The following PCDH15 variants were observed in gnomAD, a reference collection of about 807,000 sequenced individuals.
PCDH15 encodes the protein protocadherin related 15.
Under a neutral mutation model 178.5 loss-of-function variants are expected in PCDH15, and 129 were observed. The observed-to-expected ratio is 0.72, with a 90% CI of 0.63 to 0.84. PCDH15 has a LOEUF of 0.84. PCDH15 is among the 40% of genes least tolerant of loss of function. The pLI, the probability that PCDH15 is intolerant of heterozygous loss-of-function variation, is 0.00. For missense variants in PCDH15, 2,230 were observed against 2,099.9 expected (o/e 1.06, Z -1.21); for synonymous variants, 800 against 732.0 (o/e 1.09, Z -1.50).
At chr10:54,385,684 A>C (rs1027873996) in intron 3 of PCDH15, among the ~76,000 whole-genome samples, 1 of 152,212 alleles carries the variant, frequency 6.6e-6, no homozygotes, top group Non-Finnish European at 1.5e-5. Context: ...GTACTCTCTA[A>C]CTGCAAATGA....
chr10:55,071,861 A>G (rs1243433921), intron 2 of PCDH15, among the ~76,000 whole-genome samples: 2 of 152,188 alleles, frequency 1.3e-5, no homozygotes, highest in African/African-American at 4.8e-5. Context: ...AGCTCTCCTC[A>G]GCCAATGTGA....
chr10:54,225,741 A>G (rs1034634832), intron 9 of PCDH15, among the ~76,000 whole-genome samples: 1 of 150,846 alleles, frequency 6.6e-6, no homozygotes, highest in Non-Finnish European at 1.5e-5. Flanking sequence ...TGAAATGCAC[A>G]GATCTTAAGC....
chr10:55,238,360 C>A (rs1470752051), intron 1 of PCDH15, among the ~76,000 whole-genome samples: 2 of 151,836 alleles, frequency 1.3e-5, no homozygotes, highest in Middle Eastern at 3.2e-3. Context: ...CCATGTTAGC[C>A]AGGATGGTCT....
chr10:54,113,184 T>TATAAAA (rs902263142), intron 15 of PCDH15, among the ~76,000 whole-genome samples: 1 of 152,182 alleles, frequency 6.6e-6, no homozygotes, highest in African/African-American at 2.4e-5. Flanking sequence ...TTCAAATATG[T>TATAAAA]ATAACAATAA....
chr10:54,544,415 AGTTT>A (rs1474389797), intron 2 of PCDH15, among the ~76,000 whole-genome samples: 1 of 152,096 alleles, frequency 6.6e-6, no homozygotes, highest in Non-Finnish European at 1.5e-5. Flanking sequence ...AGTTTTTGAT[AGTTT>A]GTTATCCACA....
At chr10:54,876,136 C>G (rs1954138840) in intron 3 of PCDH15, among the ~76,000 whole-genome samples, 1 of 152,136 alleles carries the variant, frequency 6.6e-6, no homozygotes, top group Admixed American at 6.6e-5. Context: ...GTTAAATCTA[C>G]TCTGCCTGTG....
intron 8 of PCDH15, among the ~76,000 whole-genome samples, chr10:54,313,714 T>C (rs932915287): frequency 1.3e-5 from 2 of 152,124 alleles, no homozygotes; most frequent in African/African-American, 4.8e-5. Context: ...CTTAGCATAG[T>C]TCATTACGAA....
At chr10:55,507,002 T>C (rs1380579184) in intron 2 of PCDH15, among the ~76,000 whole-genome samples, 1 of 151,484 alleles carries the variant, frequency 6.6e-6, no homozygotes, top group Non-Finnish European at 1.5e-5. Flanking sequence ...AAATTAAGAT[T>C]ATATATAGGT....
intron 15 of PCDH15, among the ~76,000 whole-genome samples, chr10:54,099,935 T>C (rs2094777813): frequency 6.6e-6 from 1 of 152,172 alleles, no homozygotes; most frequent in African/African-American, 2.4e-5. Flanking sequence ...TCTAGGGAAC[T>C]AGCATGTATC....
chr10:53,969,232 T>C (rs1453542356), intron 21 of PCDH15, among the ~76,000 whole-genome samples: 1 of 152,156 alleles, frequency 6.6e-6, no homozygotes, highest in Admixed American at 6.5e-5. Context: ...AGTAGCCGAT[T>C]TGATCAAGTG....
At chr10:55,408,259 C>T (rs969882774) in intron 2 of PCDH15, among the ~76,000 whole-genome samples, 2 of 151,066 alleles carry the variant, frequency 1.3e-5, no homozygotes. Context: ...GATCTCGGCT[C>T]ACTGCAACCT....
At chr10:55,178,990 C>G (rs1199839899) in intron 1 of PCDH15, among the ~76,000 whole-genome samples, 1 of 152,152 alleles carries the variant, frequency 6.6e-6, no homozygotes, top group Non-Finnish European at 1.5e-5. Flanking sequence ...TATTTTACTT[C>G]TTATTTCTGT....
At chr10:53,824,221 CATAA>C (rs1351342953) in intron 32 of PCDH15, among the ~76,000 whole-genome samples, 8 of 152,126 alleles carry the variant, frequency 5.3e-5, no homozygotes, top group South Asian at 2.1e-4. Context: ...AGTTGTGAGT[CATAA>C]ATAAAGTTGC....
intron 23 of PCDH15, among the ~76,000 whole-genome samples, chr10:53,947,050 C>T (rs1043528082): frequency 1.3e-5 from 2 of 152,142 alleles, no homozygotes; most frequent in African/African-American, 2.4e-5. Flanking sequence ...TGCAGGATTA[C>T]AGGTGTGAAC....
intron 26 of PCDH15, among the ~76,000 whole-genome samples, chr10:53,874,448 C>T (rs2080084775): frequency 6.6e-6 from 1 of 152,074 alleles, no homozygotes; most frequent in Non-Finnish European, 1.5e-5. Context: ...CCATTATTTG[C>T]CGGCCACCAG....
At chr10:54,283,947 C>A (rs2058868525) in intron 8 of PCDH15, among the ~76,000 whole-genome samples, 1 of 152,140 alleles carries the variant, frequency 6.6e-6, no homozygotes, top group Non-Finnish European at 1.5e-5. Context: ...TTCTTGGGCT[C>A]AAGCCTCCTG....
chr10:53,823,336 G>C, intron 32 of PCDH15: 2 of 1,613,702 alleles, frequency 1.2e-6, no homozygotes, highest in Middle Eastern at 3.3e-4. Flanking sequence ...CTGCTTTGTT[G>C]AAAATGGTAG....
chr10:55,085,379 G>T lies in PCDH15; in HGVS notation c.-80+81197C>A, dbSNP rs185634860. Reference sequence around the variant, plus strand: ...AGTTTGTGGTGGAGAAGTGGCAATGGTTAATGCATACAAAAATATAGCTAG... The same window carrying T: ...AGTTTGTGGTGGAGAAGTGGCAATGTTTAATGCATACAAAAATATAGCTAG... On this transcript the variant is annotated intron_variant, in intron 2 of 5. Coordinates refer to the PCDH15 transcript ENST00000458638. Among the ~76,000 whole-genome samples the T allele has an allele frequency of 7.9e-5, 12 of 151,892 alleles. No individual in the cohort carries two copies. In the East Asian group the frequency reaches 2.3e-3, roughly 29 times the overall value.
intron 2 of PCDH15, among the ~76,000 whole-genome samples, chr10:55,326,354 C>G (rs1161892764): frequency 6.6e-6 from 1 of 151,966 alleles, no homozygotes; most frequent in Non-Finnish European, 1.5e-5. Flanking sequence ...CAACAGTAGA[C>G]TAATAAAGAA....
Sources: gnomAD v4.1 joint callset for allele counts (sites outside exome capture counted in the v4.1 genomes callset) on GRCh38, gnomAD v4.1.1 for gene constraint, MANE v1.5 for transcripts, NCBI Gene and HGNC (gene_info 2026-07-23, HGNC 2026-07-21) for gene names.